DMGDH: variants seen among roughly 807,000 people sequenced by gnomAD.
The protein encoded by DMGDH is dimethylglycine dehydrogenase.
DMGDH carries 76 observed loss-of-function variants against 95.2 expected under a neutral mutation model. The ratio of observed to expected loss-of-function variants is 0.80; its 90% confidence interval spans 0.66 to 0.97. The LOEUF (loss-of-function observed/expected upper bound fraction) is 0.97, where lower values mean the gene tolerates loss of function less well. Ranked by LOEUF, DMGDH falls within the 50% of genes least tolerant of loss-of-function variation. The pLI is 0.00. For missense variants in DMGDH, 987 were observed against 1,055.0 expected (o/e 0.94, Z 0.89); for synonymous variants, 345 against 377.6 (o/e 0.91, Z 1.00).
intron 15 of DMGDH, among the ~76,000 whole-genome samples, chr5:79,004,825 C>T (rs1305060935): frequency 6.6e-6 from 1 of 152,180 alleles, no homozygotes; most frequent in East Asian, 1.9e-4. Context: ...TAAGGTTTTA[C>T]CCTCTATTGT....
chr5:79,046,007 C>CCCATT (rs1422064218), intron 5 of DMGDH, among the ~76,000 whole-genome samples: 3 of 152,258 alleles, frequency 2.0e-5, no homozygotes, highest in African/African-American at 7.2e-5. Context: ...GAAACGGGTA[C>CCCATT]CCATTTGCAA....
At chr5:79,020,506 T>C (rs549116814) in intron 14 of DMGDH, among the ~76,000 whole-genome samples, 4 of 152,230 alleles carry the variant, frequency 2.6e-5, no homozygotes, top group African/African-American at 9.6e-5. Context: ...TAATAGCTAA[T>C]ATTTACTGAA....
At chr5:79,011,838 T>C (rs879303700) in intron 14 of DMGDH, among the ~76,000 whole-genome samples, 10 of 152,098 alleles carry the variant, frequency 6.6e-5, no homozygotes, top group Non-Finnish European at 1.5e-4. Context: ...GCTAAACCAG[T>C]CATGAGAAAT....
intron 1 of DMGDH, among the ~76,000 whole-genome samples, chr5:79,068,652 C>T (rs775380066): frequency 2.0e-5 from 3 of 152,166 alleles, no homozygotes; most frequent in African/African-American, 4.8e-5. Flanking sequence ...AAATAAAATT[C>T]GAATCAACTC....
At chr5:78,999,178 C>G (rs1367922773) in intron 15 of DMGDH, among the ~76,000 whole-genome samples, 1 of 152,208 alleles carries the variant, frequency 6.6e-6, no homozygotes, top group Admixed American at 6.5e-5. Flanking sequence ...GCAAAGAGCA[C>G]ATTACAAACA....
intron 5 of DMGDH, among the ~76,000 whole-genome samples, chr5:79,049,758 CATT>C (rs1754782360): frequency 6.6e-6 from 1 of 152,064 alleles, no homozygotes; most frequent in African/African-American, 2.4e-5. Flanking sequence ...AACAATGCAA[CATT>C]GTATTGTACC....
intron 2 of DMGDH, among the ~76,000 whole-genome samples, chr5:79,061,944 A>G (rs145867685): frequency 6.6e-6 from 1 of 152,290 alleles, no homozygotes; most frequent in East Asian, 1.9e-4. Flanking sequence ...AATAAAATCC[A>G]ATGCAGGTCA....
At chr5:79,007,221 T>C (rs981902665) in intron 14 of DMGDH, among the ~76,000 whole-genome samples, 3 of 152,240 alleles carry the variant, frequency 2.0e-5, no homozygotes, top group African/African-American at 7.2e-5. Context: ...AAGTTCACTA[T>C]AGTTAAAACA....
At chr5:79,055,655 A>G (rs1755008711) in intron 3 of DMGDH, among the ~76,000 whole-genome samples, 155 bp downstream of exon 3, 1 of 152,292 alleles carries the variant, frequency 6.6e-6, no homozygotes, top group South Asian at 2.1e-4. Flanking sequence ...TTTAAAGCAG[A>G]CTCTAGAGGT....
At chr5:79,021,486 C>T in intron 14 of DMGDH, 1 of 1,259,754 alleles carries the variant, frequency 7.9e-7, no homozygotes, top group African/African-American at 1.5e-5. Context: ...GCTGGAACAA[C>T]TCCAAGACGG....
intron 10 of DMGDH, 142 bp downstream of exon 10, chr5:79,030,691 A>G (rs998003804): frequency 2.0e-5 from 16 of 809,638 alleles, no homozygotes; most frequent in Non-Finnish European, 2.9e-5. Context: ...AAAGTAAATA[A>G]GCTTGTATAC....
intron 15 of DMGDH, among the ~76,000 whole-genome samples, chr5:79,002,756 A>G (rs184956714): frequency 1.3e-5 from 2 of 152,370 alleles, no homozygotes; most frequent in Admixed American, 6.5e-5. Context: ...AAAAGCAAAA[A>G]TTATTTCATA....
At chr5:79,018,754 G>T (rs561491599) in intron 14 of DMGDH, among the ~76,000 whole-genome samples, 1 of 152,182 alleles carries the variant, frequency 6.6e-6, no homozygotes, top group African/African-American at 2.4e-5. Context: ...GGTTTCCATG[G>T]ATATCCAAAT....
At chr5:79,006,288 C>G (rs537237942) in intron 14 of DMGDH, among the ~76,000 whole-genome samples, 5 of 151,748 alleles carry the variant, frequency 3.3e-5, no homozygotes, top group South Asian at 2.1e-4. Flanking sequence ...CCTTAATACA[C>G]CTTACCTGTG....
Position 78,998,270 on chromosome 5 carries a change from AGCTTCCAGATGTCGTGTT to A in DMGDH, c.2395_2412del (p.Asn799_Ser804del). The A allele has an allele frequency of 6.2e-7, 1 of 1,614,090 alleles. No individual in the cohort carries two copies. Among genetic ancestry groups the A allele is most frequent in the South Asian group, 1.1e-5 (1 of 91,070 alleles). ...AGACTCTTCTGGATGCTGTAGCTAT[AGCTTCCAGATGTCGTGTT>A]GCCAACCACCTGGAAAACAAGACCC... On this transcript the variant is annotated inframe_deletion, in exon 16 of 16. Coordinates refer to ENST00000255189, the MANE Select transcript of DMGDH (RefSeq NM_013391.3).
chr5:79,018,797 C>T (rs76262502), intron 14 of DMGDH, among the ~76,000 whole-genome samples: 4,994 of 152,206 alleles, frequency 0.033, 125 homozygotes, highest in Middle Eastern at 0.058. Context: ...CACATTTCAG[C>T]TCTTAGGGTA....
At chr5:79,033,823 A>C (rs1754262349) in intron 7 of DMGDH, among the ~76,000 whole-genome samples, 2 of 152,046 alleles carry the variant, frequency 1.3e-5, no homozygotes, top group African/African-American at 4.8e-5. Context: ...TCCCAGGTAC[A>C]CGGGTGGCTG....
Position 79,063,774 on chromosome 5 carries a change from G to C in DMGDH, c.115C>G (p.Pro39Ala). 6.2e-7 allele frequency: 1 copy of C among 1,614,134 alleles called. No individual in the cohort carries two copies. Among genetic ancestry groups the C allele is most frequent in the Non-Finnish European group, 8.5e-7 (1 of 1,180,022 alleles). Reference protein sequence around the residue: ...VCGREGEEKPPLSAETQWKDR... With the variant: ...VCGREGEEKPALSAETQWKDR... ...TTCCATTGTGTTTCTGCAGATAAGGGTGGTTTTTCCTCTCTGGAAGAGGGA... is the reference window on the plus strand; with the variant it reads ...TTCCATTGTGTTTCTGCAGATAAGGCTGGTTTTTCCTCTCTGGAAGAGGGA... Residue 39 changes from proline to alanine, a missense_variant, in exon 2 of 16, where the codon CCC becomes GCC. By Grantham distance (27) the Pro-to-Ala change is conservative (BLOSUM62 -1). Coordinates refer to ENST00000255189, the MANE Select transcript of DMGDH (RefSeq NM_013391.3).
In DMGDH at chr5:79,042,438, C is replaced by T; in HGVS notation, c.1038G>A (p.Met346Ile). ...TTTCCATGGCAGCTTTGATGTGTTC[C>T]ATGATTCGATCTAGATCAGACTCAA... Reference protein sequence around the residue: ...ELFESDLDRIMEHIKAAMEMV... With the variant: ...ELFESDLDRIIEHIKAAMEMV... The change falls in exon 7 of 16, where the codon ATG becomes ATA. Residue 346 changes from methionine to isoleucine, a missense_variant. Transcript: ENST00000255189. The T allele has an allele frequency of 6.2e-7, 1 of 1,614,160 alleles. No individual in the cohort carries two copies. The highest frequency in any genetic ancestry group is 1.1e-5 in the South Asian group (1 of 91,080).
Sources: gnomAD v4.1 joint callset for allele counts (sites outside exome capture counted in the v4.1 genomes callset) on GRCh38, gnomAD v4.1.1 for gene constraint, MANE v1.5 for transcripts, NCBI Gene and HGNC (gene_info 2026-07-23, HGNC 2026-07-21) for gene names.